The following SMC5 variants were observed in gnomAD, a reference collection of about 807,000 sequenced individuals.
SMC5 encodes the protein structural maintenance of chromosomes 5, also known as structural maintenance of chromosomes protein 5.
SMC5 carries 88 observed loss-of-function variants against 148.3 expected under a neutral mutation model. That is an observed-to-expected ratio of 0.59 (90% CI 0.50 to 0.71). The LOEUF is 0.71. SMC5 is among the 30% of genes least tolerant of loss of function. The probability of loss-of-function intolerance (pLI) is 0.00; values close to 1 mark genes in which losing one functional copy is unlikely to be tolerated. For synonymous variants in SMC5, 421 were observed against 432.8 expected (o/e 0.97, Z 0.34); for missense variants, 1,142 against 1,298.9 (o/e 0.88, Z 1.86).
At chr9:70,285,540 C>T (rs2034872409) in intron 7 of SMC5, among the ~76,000 whole-genome samples, 1 of 152,152 alleles carries the variant, frequency 6.6e-6, no homozygotes, top group Non-Finnish European at 1.5e-5. Flanking sequence ...CACAGTGAGC[C>T]ACTCTTATCA....
At chr9:70,292,024 T>C (rs1046903379) in intron 8 of SMC5, among the ~76,000 whole-genome samples, 2 of 152,200 alleles carry the variant, frequency 1.3e-5, no homozygotes, top group South Asian at 2.1e-4. Context: ...CTGTTTTTAC[T>C]GAGATTCAGC....
At chr9:70,272,257 A>T (rs563636062) in intron 3 of SMC5, among the ~76,000 whole-genome samples, 1 of 152,364 alleles carries the variant, frequency 6.6e-6, no homozygotes, top group Non-Finnish European at 1.5e-5. Context: ...TTGGGAGCAG[A>T]TCATACATCA....
chr9:70,342,877 T>G (rs1271825169), intron 17 of SMC5, among the ~76,000 whole-genome samples: 1 of 152,220 alleles, frequency 6.6e-6, no homozygotes, highest in African/African-American at 2.4e-5. Context: ...TTGAGGCTCA[T>G]ATGCCTTAAA....
intron 17 of SMC5, among the ~76,000 whole-genome samples, chr9:70,330,086 C>T (rs948020685): frequency 2.6e-5 from 4 of 152,080 alleles, no homozygotes; most frequent in African/African-American, 9.7e-5. Flanking sequence ...TTGGGGATTA[C>T]GGTTCAACAT....
chr9:70,292,473 T>A (rs551852007), intron 8 of SMC5, among the ~76,000 whole-genome samples: 1 of 152,306 alleles, frequency 6.6e-6, no homozygotes, highest in African/African-American at 2.4e-5. Context: ...TTTATTTCTT[T>A]CTTTCTGATT....
Position 70,353,639 on chromosome 9 carries a change from A to G in SMC5, c.*1308A>G, listed in dbSNP as rs1051068952. On this transcript the variant is annotated 3_prime_UTR_variant, in exon 25 of 25. Transcript: ENST00000361138. Reference sequence around the variant, plus strand: ...TTTATATTCTTAACTAGGTCAAAAAATAATGAGCCATAAGTTTATGTCCTC... The same window carrying G: ...TTTATATTCTTAACTAGGTCAAAAAGTAATGAGCCATAAGTTTATGTCCTC... 6.6e-6 allele frequency: 1 copy of G among 152,228 alleles called. No homozygotes were observed. The highest frequency in any genetic ancestry group is 1.5e-5 in the Non-Finnish European group (1 of 68,022). The allele number at this position is 152,228 out of a possible 1,614,324, so 9.4% of individuals were successfully genotyped here. A position where few individuals can be genotyped will look rare whatever the true frequency, so the allele number is the denominator to read the frequency against.
intron 6 of SMC5, 83 bp from the exon 7 acceptor site, chr9:70,282,339 G>A (rs892589645): frequency 7.4e-7 from 1 of 1,351,788 alleles, no homozygotes; most frequent in African/African-American, 1.5e-5. Flanking sequence ...TCTTACATTT[G>A]GTTTCTGCCT....
intron 13 of SMC5, among the ~76,000 whole-genome samples, chr9:70,318,249 G>T (rs970305672): frequency 6.6e-6 from 1 of 152,080 alleles, no homozygotes; most frequent in Non-Finnish European, 1.5e-5. Context: ...TTAACCAGGC[G>T]TGGTGGCACA....
chr9:70,288,057 G>A (rs1229556900), intron 8 of SMC5, among the ~76,000 whole-genome samples: 2 of 151,856 alleles, frequency 1.3e-5, no homozygotes, highest in East Asian at 3.9e-4. Flanking sequence ...ATTTTATTAG[G>A]GTTAGGCAGA....
chr9:70,277,578 ACT>A (rs1419071004), intron 4 of SMC5, 106 bp downstream of exon 4: 1 of 811,802 alleles, frequency 1.2e-6, no homozygotes, highest in African/African-American at 1.8e-5. Flanking sequence ...TGAACATAGC[ACT>A]CTTACAGTTC....
rs369127149 is a variant in SMC5, at chr9:70,282,468, G to A, written c.866G>A (p.Arg289His). The change falls in exon 7 of 25, where the codon CGT (arginine) becomes CAT (histidine). Residue 289 changes from arginine (R) to histidine (H), a missense_variant. Around this residue, in one of 5 missense-constraint regions of SMC5, gnomAD observed 743 missense variants for 835.7 expected, o/e 0.89. Coordinates refer to ENST00000361138, the MANE Select transcript of SMC5 (RefSeq NM_015110.4). ...RQEYEEVKLV[R>H]DRVKEEVRKL... ...GAATATGAAGAAGTAAAACTAGTTC[G>A]TGACCGAGTGAAGGAAGAGGTCAGA... is the stretch of plus-strand genomic sequence containing the variant. The A allele has an allele frequency of 6.2e-6, 10 of 1,605,972 alleles. No individual in the cohort carries two copies. Among genetic ancestry groups the A allele is most frequent in the African/African-American group, 1.3e-5 (1 of 74,518 alleles).
intron 6 of SMC5, among the ~76,000 whole-genome samples, chr9:70,282,051 T>TTC (rs55989839): frequency 0.2 from 29,485 of 148,192 alleles, 2,906 homozygotes; most frequent in South Asian, 0.27. Flanking sequence ...TTTTTTTTTT[T>TTC]ATTTTTACCC....
At position 70,319,074 on chromosome 9, in the gene SMC5, T is replaced by C. The variant is rs1245158640; in HGVS notation, c.2150+111T>C. 8.6e-6 allele frequency: 8 copies of C among 933,892 alleles called. No individual in the cohort carries two copies. In the East Asian group the frequency reaches 2.0e-4, roughly 24 times the overall value. The allele number at this position is 933,892 out of a possible 1,614,324, so 57.9% of individuals were successfully genotyped here. A position where few individuals can be genotyped will look rare whatever the true frequency, so the allele number is the denominator to read the frequency against. On this transcript the variant is annotated intron_variant, in intron 15 of 24. Transcript: ENST00000361138. ...CACAAGCACGCTTTGTAGTAATTTC[T>C]CTTTAATCTTTAATCTTACTGCATA... is the stretch of plus-strand genomic sequence containing the variant.
chr9:70,339,987 C>A (rs62570340), intron 17 of SMC5, among the ~76,000 whole-genome samples: 17,410 of 152,040 alleles, frequency 0.11, 1,054 homozygotes, highest in African/African-American at 0.15. Context: ...GTTTCCTAAC[C>A]ACTCCAAGCT....
Position 70,259,209 on chromosome 9 carries a change from C to T in SMC5, c.131C>T (p.Ser44Leu), listed in dbSNP as rs755428493. 6 of 1,607,398 alleles carry T rather than the reference C, an allele frequency of 3.7e-6. No homozygotes were observed. The Admixed American group carries it at 8.5e-5, about 23-fold the overall frequency. The change falls in exon 1 of 25, where the codon TCG (serine) becomes TTG (leucine). Residue 44 changes from serine (S) to leucine (L), a missense_variant. By Grantham distance (145) the Ser-to-Leu change is moderately radical (BLOSUM62 -2). This residue lies in a region of SMC5 where 297 missense variants were observed against 302.6 expected (regional missense o/e 0.98). Transcript: ENST00000361138. ...NSAPQLPLLQ[S>L]SGPFVEGSIV... is the part of the protein sequence containing the mutation. ...GCCCCGCAGCTGCCGCTGTTGCAGTCGTCCGGGCCTTTCGTGGAAGGCTCT... is the reference window on the plus strand; with the variant it reads ...GCCCCGCAGCTGCCGCTGTTGCAGTTGTCCGGGCCTTTCGTGGAAGGCTCT...
Position 70,323,510 on chromosome 9 carries a change from C to A in SMC5, c.2178C>A (p.Cys726Ter). The change falls in exon 16 of 25, where the codon TGC becomes TGA. Residue 726 changes from cysteine (C) to a stop codon, truncating the protein, a stop_gained. Transcript: ENST00000361138. LOFTEE classifies it high-confidence loss of function. ...TAAAGCTGATGGAACAGGATACTTGCAATCTTGAAGAGGAAGAGCGAAAAG... is the reference window on the plus strand; with the variant it reads ...TAAAGCTGATGGAACAGGATACTTGAAATCTTGAAGAGGAAGAGCGAAAAG... ...GSLKLMEQDT[C>*]NLEEEERKAS... 2 of 1,610,716 alleles carry A rather than the reference C, an allele frequency of 1.2e-6. No individual in the cohort carries two copies. The highest frequency in any genetic ancestry group is 1.7e-6 in the Non-Finnish European group (2 of 1,179,118).
At chr9:70,344,339 A>G in intron 18 of SMC5, 70 bp downstream of exon 18, 1 of 1,221,122 alleles carries the variant, frequency 8.2e-7, no homozygotes, top group African/African-American at 1.6e-5. Flanking sequence ...AATCTTAGCC[A>G]TTGTAACAGG....
intron 9 of SMC5, among the ~76,000 whole-genome samples, chr9:70,299,434 T>G (rs760343242): frequency 2.0e-5 from 3 of 152,026 alleles, no homozygotes; most frequent in Non-Finnish European, 4.4e-5. Context: ...GTCCTTCTCC[T>G]TCCATCTAAA....
chr9:70,332,523 C>CAAA (rs57524323), intron 17 of SMC5, among the ~76,000 whole-genome samples: 22 of 104,172 alleles, frequency 2.1e-4, no homozygotes, highest in African/African-American at 4.1e-4. Flanking sequence ...GACCCTGTCT[C>CAAA]AAAAAAAAAA....
Sources: allele counts gnomAD v4.1 joint callset (sites outside exome capture counted in the v4.1 genomes callset), GRCh38; gene constraint gnomAD v4.1.1; regional missense constraint gnomAD v4.1.1; transcripts MANE v1.5; gene names NCBI Gene and HGNC (gene_info 2026-07-23, HGNC 2026-07-21).